KALRN: variants seen among roughly 807,000 people sequenced by gnomAD.
The protein encoded by KALRN is kalirin RhoGEF kinase, also known as kalirin.
KALRN carries 70 observed loss-of-function variants against 353.7 expected under a neutral mutation model. The observed-to-expected ratio is 0.20, with a 90% confidence interval of 0.16 to 0.24. The LOEUF (loss-of-function observed/expected upper bound fraction) is 0.24. KALRN is among the 10% of genes least tolerant of loss of function. KALRN has a pLI of 1.00. For synonymous variants in KALRN, 1,391 were observed against 1,434.8 expected, an observed-to-expected ratio of 0.97 and a Z score of 0.69; for missense variants, 2,791 against 3,756.7, an observed-to-expected ratio of 0.74 and a Z score of 6.72.
chr3:124,040,001 A>G (rs1317855048), intron 1 of KALRN, among the ~76,000 whole-genome samples: 1 of 152,110 alleles, frequency 6.6e-6, no homozygotes, highest in African/African-American at 2.4e-5. Context: ...GGCTATTTCT[A>G]CTATTAATAT....
At chr3:124,540,812 T>C (rs1050768638) in intron 33 of KALRN, among the ~76,000 whole-genome samples, 11 of 152,170 alleles carry the variant, frequency 7.2e-5, no homozygotes, top group African/African-American at 2.7e-4. Context: ...GAGGCACTGG[T>C]TTATGTCCAT....
At chr3:124,535,800 A>T (rs1577795225) in intron 33 of KALRN, among the ~76,000 whole-genome samples, 1 of 152,142 alleles carries the variant, frequency 6.6e-6, no homozygotes, top group Non-Finnish European at 1.5e-5. Flanking sequence ...TCTTTCACAT[A>T]ACAGATAACT....
At chr3:124,609,456 GAC>G (rs1462984190) in intron 34 of KALRN, among the ~76,000 whole-genome samples, 1 of 152,188 alleles carries the variant, frequency 6.6e-6, no homozygotes, top group Admixed American at 6.5e-5. Context: ...ATGCTTGCCA[GAC>G]ACACCTATGA....
intron 1 of KALRN, among the ~76,000 whole-genome samples, chr3:124,160,862 T>C (rs896358473): frequency 1.3e-5 from 2 of 152,202 alleles, no homozygotes; most frequent in Non-Finnish European, 2.9e-5. Flanking sequence ...TATGTGAGCA[T>C]TGAGGAAAAA....
rs769031992 is a variant in KALRN, at chr3:124,562,889, C to T, written c.4982C>T (p.Ala1661Val). The part of the protein sequence containing the change: ...ELTVVLQDFS[A>V]GHSSELTIQV... ...ACAGTGGTCCTCCAGGACTTCAGTG[C>T]GGGCCACAGCAGTGAGCTGACCATC... The change falls in exon 34 of 60, where the codon GCG becomes GTG. Residue 1661 changes from alanine (A) to valine (V), a missense_variant. Ala to Val is a moderately conservative substitution (Grantham distance 64). Around this residue, in one of 11 missense-constraint regions of KALRN, gnomAD observed 239 missense variants for 351.3 expected, o/e 0.68. Coordinates refer to ENST00000682506, the MANE Select transcript of KALRN (RefSeq NM_001388419.1). 23 of 1,367,446 alleles carry T rather than the reference C, an allele frequency of 1.7e-5. No individual in the cohort carries two copies. Among genetic ancestry groups the T allele is most frequent in the African/African-American group, 4.4e-5 (3 of 67,734 alleles). The allele number at this position is 1,367,446 out of a possible 1,614,324, so 84.7% of individuals were successfully genotyped here.
intron 33 of KALRN, chr3:124,518,746 C>T (rs1286338804): frequency 1.5e-6 from 2 of 1,360,258 alleles, no homozygotes; most frequent in East Asian, 5.8e-5. Flanking sequence ...GTGAGAGGCC[C>T]AATGGCCCAA....
intron 3 of KALRN, among the ~76,000 whole-genome samples, chr3:124,263,785 A>G (rs996701991): frequency 6.6e-6 from 1 of 152,144 alleles, no homozygotes; most frequent in African/African-American, 2.4e-5. Flanking sequence ...AGTGCCTGTC[A>G]CTGATGTGAG....
rs12487255 is a variant in KALRN at position 124,356,716 on chromosome 3, C to T, written c.1770+9451C>T. Among the ~76,000 whole-genome samples, 1,737 of 152,264 alleles carry T rather than the reference C, an allele frequency of 0.011. 63 individuals carry two copies. In the East Asian group the frequency reaches 0.12, roughly 11 times the overall value. ...CTTTTAAAGCCCTCTTTTTCCAAGC[C>T]TTCCTTGACATCGTGCTCTGTTGGT... On this transcript the variant is annotated intron_variant, in intron 10 of 59. Coordinates refer to ENST00000682506, the MANE Select transcript of KALRN (RefSeq NM_001388419.1).
intron 1 of KALRN, among the ~76,000 whole-genome samples, chr3:124,147,484 T>A (rs1560077724): frequency 6.6e-6 from 1 of 152,204 alleles, no homozygotes; most frequent in Non-Finnish European, 1.5e-5. Context: ...GGTTTTGAAT[T>A]GTCCTGTCAG....
At chr3:124,039,024 C>T (rs2039693286) in intron 1 of KALRN, among the ~76,000 whole-genome samples, 1 of 152,244 alleles carries the variant, frequency 6.6e-6, no homozygotes, top group Admixed American at 6.5e-5. Flanking sequence ...TCACTTAGCC[C>T]CACTCCAAAT....
At chr3:124,481,634 T>C (rs2061994726) in intron 27 of KALRN, among the ~76,000 whole-genome samples, 1 of 152,226 alleles carries the variant, frequency 6.6e-6, no homozygotes, top group Admixed American at 6.5e-5. Flanking sequence ...TCACTTCTTA[T>C]AGAAGGTGGG....
chr3:124,189,122 A>G (rs1040303989), intron 1 of KALRN, among the ~76,000 whole-genome samples: 13 of 152,214 alleles, frequency 8.5e-5, no homozygotes, highest in African/African-American at 3.1e-4. Flanking sequence ...ATAATCTGGA[A>G]CAAAAGCTAT....
chr3:124,484,638 A>C (rs1315833318), intron 28 of KALRN, among the ~76,000 whole-genome samples: 1 of 152,002 alleles, frequency 6.6e-6, no homozygotes, highest in Non-Finnish European at 1.5e-5. Context: ...TCTCCTGAGA[A>C]ATGGGTATAC....
chr3:124,676,139 A>G (rs2087155682), intron 49 of KALRN, among the ~76,000 whole-genome samples: 1 of 152,222 alleles, frequency 6.6e-6, no homozygotes, highest in Non-Finnish European at 1.5e-5. Flanking sequence ...TCCAGGCACT[A>G]AACACTTCTT....
At chr3:124,599,991 C>T (rs1445789262) in intron 34 of KALRN, among the ~76,000 whole-genome samples, 1 of 152,178 alleles carries the variant, frequency 6.6e-6, no homozygotes, top group African/African-American at 2.4e-5. Flanking sequence ...AAACTATGAC[C>T]CTTCTACCAG....
At chr3:124,566,719 C>T (rs868129) in intron 34 of KALRN, among the ~76,000 whole-genome samples, 56,893 of 151,918 alleles carry the variant, frequency 0.37, 11,274 homozygotes, top group African/African-American at 0.51. Context: ...CTTGGCAAAC[C>T]GCCTTTTCTT....
At chr3:124,203,866 G>T (rs892164088) in intron 1 of KALRN, among the ~76,000 whole-genome samples, 7 of 152,212 alleles carry the variant, frequency 4.6e-5, no homozygotes, top group African/African-American at 7.2e-5. Context: ...TTTGAATTGC[G>T]TGGGTCCACT....
In KALRN at chr3:124,419,235, A is replaced by C. The variant is rs2092668412; in HGVS notation, c.2543-3577A>C. Among the ~76,000 whole-genome samples, 3 of 151,732 alleles carry C rather than the reference A, an allele frequency of 2.0e-5. No individual in the cohort carries two copies. In the South Asian group the frequency reaches 6.3e-4, roughly 32 times the overall value. ...TTACATTTTATACAAGCCATTCAAT[A>C]GTTCCATCAGCAATCAAAAGTGTAT... On this transcript the variant is annotated intron_variant, in intron 14 of 59. Transcript: ENST00000682506.
intron 37 of KALRN, among the ~76,000 whole-genome samples, chr3:124,637,583 C>A (rs746290059): frequency 6.6e-6 from 1 of 152,214 alleles, no homozygotes; most frequent in Admixed American, 6.5e-5. Context: ...CAGCGGCCCA[C>A]AGGCAAGTGG....
Sources: gnomAD v4.1 joint callset for allele counts (sites outside exome capture counted in the v4.1 genomes callset) on GRCh38, gnomAD v4.1.1 for gene constraint, gnomAD v4.1.1 regional missense constraint, MANE v1.5 for transcripts, NCBI Gene and HGNC (gene_info 2026-07-23, HGNC 2026-07-21) for gene names.